XKR9: variants seen among roughly 807,000 people sequenced by gnomAD.
The protein encoded by XKR9 is XK related 9.
Under a neutral mutation model 32.0 loss-of-function variants are expected in XKR9, and 32 were observed. That is an observed-to-expected ratio of 1.00 (90% CI 0.76 to 1.34). The LOEUF (loss-of-function observed/expected upper bound fraction) is 1.34. XKR9 is among the 40% of genes most tolerant of loss of function. The pLI is 0.00. For synonymous variants in XKR9, 168 were observed against 143.4 expected, an observed-to-expected ratio of 1.17 and a Z score of -1.22; for missense variants, 546 against 429.7, an observed-to-expected ratio of 1.27 and a Z score of -2.39.
chr8:71,032,022 C>A, the XKR9 span, among the ~76,000 whole-genome samples: 1 of 152,132 alleles, frequency 6.6e-6, no homozygotes, highest in Non-Finnish European at 1.5e-5. Flanking sequence ...GGGCTGGGCA[C>A]GGTGGCTTAC....
At chr8:71,045,074 T>C in the XKR9 span, among the ~76,000 whole-genome samples, 8 of 152,320 alleles carry the variant, frequency 5.3e-5, no homozygotes, top group Non-Finnish European at 1.0e-4. Flanking sequence ...GTGTATACTT[T>C]CTAGGTGTGG....
chr8:70,851,163 G>A, the XKR9 span, among the ~76,000 whole-genome samples: 1 of 152,116 alleles, frequency 6.6e-6, no homozygotes. Flanking sequence ...GGCAAATCAT[G>A]AGTGAACTCC....
At chr8:70,990,929 C>T in the XKR9 span, among the ~76,000 whole-genome samples, 4 of 152,296 alleles carry the variant, frequency 2.6e-5, no homozygotes, top group South Asian at 8.3e-4. Context: ...AAAATTGCCA[C>T]TGGTGAGAGG....
chr8:71,046,675 G>A, the XKR9 span, among the ~76,000 whole-genome samples: 6 of 152,130 alleles, frequency 3.9e-5, no homozygotes, highest in African/African-American at 1.2e-4. Context: ...TTTTCTTAGA[G>A]CAAACTGATG....
chr8:71,048,182 T>C, the XKR9 span, among the ~76,000 whole-genome samples: 1 of 152,230 alleles, frequency 6.6e-6, no homozygotes, highest in Non-Finnish European at 1.5e-5. Flanking sequence ...CTAAAACTGC[T>C]ATGTAAAAGG....
At chr8:71,006,104 C>T in the XKR9 span, among the ~76,000 whole-genome samples, 1 of 152,206 alleles carries the variant, frequency 6.6e-6, no homozygotes, top group Non-Finnish European at 1.5e-5. Context: ...CCTTTCAGGC[C>T]AAATAATTAA....
chr8:70,723,249 C>T (rs2132221127), intron 4 of XKR9, among the ~76,000 whole-genome samples: 1 of 152,196 alleles, frequency 6.6e-6, no homozygotes, highest in East Asian at 1.9e-4. Context: ...AAACATGCTC[C>T]TTTAGCTCAG....
At chr8:70,691,669 A>AT (rs1425294367) in intron 3 of XKR9, among the ~76,000 whole-genome samples, 9 of 151,786 alleles carry the variant, frequency 5.9e-5, no homozygotes, top group Non-Finnish European at 1.2e-4. Flanking sequence ...TTGAATAGGG[A>AT]TTTTTTTTCC....
chr8:70,976,902 T>C, the XKR9 span, among the ~76,000 whole-genome samples: 1 of 152,170 alleles, frequency 6.6e-6, no homozygotes, highest in Non-Finnish European at 1.5e-5. Context: ...CAGAGCCTGT[T>C]ATTGGTCTAT....
At chr8:70,964,581 A>G in the XKR9 span, among the ~76,000 whole-genome samples, 2 of 152,220 alleles carry the variant, frequency 1.3e-5, no homozygotes, top group East Asian at 3.8e-4. Flanking sequence ...AATGATATCC[A>G]TGAGCATGGA....
the XKR9 span, among the ~76,000 whole-genome samples, chr8:70,906,535 A>G: frequency 6.6e-6 from 1 of 152,204 alleles, no homozygotes; most frequent in East Asian, 1.9e-4. Context: ...GCTACTCTGC[A>G]TCATTTGCCG....
At chr8:70,774,866 T>A (rs1416978652) in intron 2 of XKR9, among the ~76,000 whole-genome samples, 1 of 152,150 alleles carries the variant, frequency 6.6e-6, no homozygotes, top group Non-Finnish European at 1.5e-5. Flanking sequence ...CTGTTATATG[T>A]CTCTTTTATT....
chr8:70,777,224 G>A (rs181447950), intron 2 of XKR9, among the ~76,000 whole-genome samples: 1 of 151,830 alleles, frequency 6.6e-6, no homozygotes, highest in East Asian at 1.9e-4. Flanking sequence ...TTCTGTCCTT[G>A]TGATAGTTTG....
intron 2 of XKR9, among the ~76,000 whole-genome samples, chr8:70,765,206 C>G (rs1285669469): frequency 1.3e-5 from 2 of 152,188 alleles, no homozygotes; most frequent in Admixed American, 1.3e-4. Context: ...TACACTCCCA[C>G]CAACAGTGTA....
chr8:71,027,513 C>G, the XKR9 span, among the ~76,000 whole-genome samples: 1 of 137,590 alleles, frequency 7.3e-6, no homozygotes, highest in African/African-American at 2.7e-5. Flanking sequence ...TATATATATG[C>G]ATTCATACTG....
chr8:71,018,062 A>G, the XKR9 span, among the ~76,000 whole-genome samples: 1 of 152,194 alleles, frequency 6.6e-6, no homozygotes, highest in Non-Finnish European at 1.5e-5. Context: ...ATATTTTGTG[A>G]TGTGAATAGA....
At chr8:70,720,932 G>A (rs1386806466) in intron 4 of XKR9, among the ~76,000 whole-genome samples, 1 of 152,038 alleles carries the variant, frequency 6.6e-6, no homozygotes, top group Non-Finnish European at 1.5e-5. Flanking sequence ...TCTTGTCCTG[G>A]GCTTTGTTCG....
chr8:70,811,604 G>A, the XKR9 span, among the ~76,000 whole-genome samples: 2 of 151,916 alleles, frequency 1.3e-5, no homozygotes, highest in Non-Finnish European at 2.9e-5. Context: ...AATGATAAAG[G>A]GGATATTACC....
At chr8:70,986,206 T>C in the XKR9 span, among the ~76,000 whole-genome samples, 1 of 152,258 alleles carries the variant, frequency 6.6e-6, no homozygotes, top group Admixed American at 6.5e-5. Flanking sequence ...TTATTTATTC[T>C]CATTTAAACT....
Sources: gnomAD v4.1 joint callset for allele counts (sites outside exome capture counted in the v4.1 genomes callset) on GRCh38, gnomAD v4.1.1 for gene constraint, MANE v1.5 for transcripts, NCBI Gene and HGNC (gene_info 2026-07-23, HGNC 2026-07-21) for gene names.